RGS6: variants seen among roughly 807,000 people sequenced by gnomAD.
The protein encoded by RGS6 is regulator of G-protein signaling 6.
A neutral mutation model predicts 78.5 loss-of-function variants in RGS6; 30 were observed. The ratio of observed to expected loss-of-function variants is 0.38; its 90% confidence interval spans 0.29 to 0.52. RGS6 has a LOEUF of 0.52. RGS6 is among the 20% of genes least tolerant of loss of function. RGS6 has a pLI of 0.85. For synonymous variants in RGS6, 206 were observed against 206.0 expected (o/e 1.00, Z 0.00); for missense variants, 495 against 609.7 (o/e 0.81, Z 1.98).
intron 2 of RGS6, among the ~76,000 whole-genome samples, chr14:72,092,538 C>G (rs1030351187): frequency 6.6e-6 from 1 of 152,072 alleles, no homozygotes; most frequent in African/African-American, 2.4e-5. Flanking sequence ...CCTGCCACCA[C>G]GCCCAGCTAA....
intron 13 of RGS6, among the ~76,000 whole-genome samples, chr14:72,509,752 G>T (rs145053831): frequency 6.6e-6 from 1 of 152,232 alleles, no homozygotes; most frequent in Non-Finnish European, 1.5e-5. Flanking sequence ...TGAGGAAGGG[G>T]TGGGAGGTGG....
At chr14:72,233,160 C>G (rs1313072182) in intron 2 of RGS6, among the ~76,000 whole-genome samples, 1 of 152,218 alleles carries the variant, frequency 6.6e-6, no homozygotes, top group East Asian at 1.9e-4. Flanking sequence ...TCCTGTCCCA[C>G]TTCAGGGCCC....
chr14:72,044,104 A>G (rs1043224409), intron 2 of RGS6, among the ~76,000 whole-genome samples: 2 of 152,132 alleles, frequency 1.3e-5, no homozygotes. Flanking sequence ...GAGCCCATCA[A>G]AAACATTCTT....
chr14:72,141,485 C>A (rs1341643896), intron 2 of RGS6, among the ~76,000 whole-genome samples: 2 of 152,134 alleles, frequency 1.3e-5, no homozygotes, highest in Admixed American at 6.5e-5. Context: ...TTCTTCTTTT[C>A]TTTTAGGAGT....
chr14:71,946,124 A>T (rs1208853808), intron 1 of RGS6, among the ~76,000 whole-genome samples: 1 of 152,136 alleles, frequency 6.6e-6, no homozygotes, highest in Non-Finnish European at 1.5e-5. Context: ...TACATTTTAG[A>T]CTTTTTTTTA....
chr14:72,003,366 A>G (rs2083863723), intron 2 of RGS6, among the ~76,000 whole-genome samples: 1 of 152,234 alleles, frequency 6.6e-6, no homozygotes, highest in African/African-American at 2.4e-5. Flanking sequence ...TGCCACTTTA[A>G]TCATTCTTAA....
At chr14:72,123,346 C>A (rs1236980882) in intron 2 of RGS6, among the ~76,000 whole-genome samples, 3 of 152,154 alleles carry the variant, frequency 2.0e-5, no homozygotes, top group African/African-American at 7.2e-5. Context: ...AAGAATCGTC[C>A]TAAAGTAGGA....
intron 2 of RGS6, among the ~76,000 whole-genome samples, chr14:72,029,728 A>G (rs1301540242): frequency 6.6e-6 from 1 of 152,164 alleles, no homozygotes; most frequent in Non-Finnish European, 1.5e-5. Context: ...TCCTCCCTTC[A>G]TTTGGATAGA....
In RGS6 at chr14:72,495,159, G is replaced by A. The variant is rs1249886492; in HGVS notation, c.862G>A (p.Ala288Thr). 2 of 1,606,554 alleles carry A rather than the reference G, an allele frequency of 1.2e-6. No homozygotes were observed. The highest frequency in any genetic ancestry group is 3.3e-5 in the Admixed American group (2 of 59,978). Residue 288 changes from alanine (A) to threonine (T), a missense_variant, in exon 13 of 18, where the codon GCC (alanine) becomes ACC (threonine). Coordinates refer to ENST00000553525, the MANE Select transcript of RGS6 (RefSeq NM_001204424.2). The part of the protein sequence containing the change: ...KMSKVAESLI[A>T]YTEQYVEYDP... ...TCTGCCTCCCTCCTGCAGTTTAATT[G>A]CCTACACGGAACAATATGTGGAATA...
At chr14:72,341,117 GA>G (rs769412117) in intron 2 of RGS6, among the ~76,000 whole-genome samples, 1 of 152,164 alleles carries the variant, frequency 6.6e-6, no homozygotes, top group African/African-American at 2.4e-5. Context: ...TATTTATAAA[GA>G]AAAGAGGTTT....
chr14:72,096,314 G>T (rs2095407157), intron 2 of RGS6, among the ~76,000 whole-genome samples: 1 of 151,692 alleles, frequency 6.6e-6, no homozygotes, highest in African/African-American at 2.4e-5. Flanking sequence ...ACACACAGAT[G>T]TATGAAATAG....
intron 2 of RGS6, among the ~76,000 whole-genome samples, chr14:72,321,981 A>C (rs2072205010): frequency 6.6e-6 from 1 of 152,028 alleles, no homozygotes; most frequent in Non-Finnish European, 1.5e-5. Flanking sequence ...CTATGAGTCA[A>C]AAAGGAATCC....
At chr14:72,458,675 A>G (rs893559014) in intron 5 of RGS6, among the ~76,000 whole-genome samples, 4 of 152,162 alleles carry the variant, frequency 2.6e-5, no homozygotes, top group Non-Finnish European at 5.9e-5. Context: ...TTTACTTCTC[A>G]TGGTTGTGGA....
chr14:72,120,047 C>A (rs1306711907), intron 2 of RGS6, among the ~76,000 whole-genome samples: 1 of 152,154 alleles, frequency 6.6e-6, no homozygotes, highest in Non-Finnish European at 1.5e-5. Context: ...TCCAGACTGA[C>A]TCAGACAGCA....
At chr14:71,903,622 G>A in the RGS6 span, among the ~76,000 whole-genome samples, 2 of 152,222 alleles carry the variant, frequency 1.3e-5, no homozygotes, top group African/African-American at 4.8e-5. Context: ...GGGACGAAGA[G>A]ACAGAGTAGA....
intron 2 of RGS6, among the ~76,000 whole-genome samples, chr14:72,272,083 T>A (rs936843153): frequency 1.3e-5 from 2 of 152,292 alleles, no homozygotes; most frequent in Admixed American, 1.3e-4. Flanking sequence ...GCTGAACATA[T>A]CCAAGTTCTG....
chr14:72,234,951 G>A (rs947936102), intron 2 of RGS6, among the ~76,000 whole-genome samples: 1 of 152,100 alleles, frequency 6.6e-6, no homozygotes. Flanking sequence ...CATATTGTCA[G>A]CCTGATTTCC....
At chr14:72,465,905 C>A (rs1356424860) in intron 7 of RGS6, 83 bp downstream of exon 7, 1 of 1,116,974 alleles carries the variant, frequency 9.0e-7, no homozygotes, top group South Asian at 1.4e-5. Context: ...TTTTTTTTTT[C>A]TTTTGTCCCC....
chr14:72,146,082 A>G (rs138498667), intron 2 of RGS6, among the ~76,000 whole-genome samples: 209 of 152,308 alleles, frequency 1.4e-3, no homozygotes, highest in African/African-American at 4.7e-3. Flanking sequence ...TTCTTGCTCT[A>G]TCATCTCATG....
Sources: allele counts gnomAD v4.1 joint callset (sites outside exome capture counted in the v4.1 genomes callset), GRCh38; gene constraint gnomAD v4.1.1; transcripts MANE v1.5; gene names NCBI Gene and HGNC (gene_info 2026-07-23, HGNC 2026-07-21).